SLC25A26: variants seen among roughly 807,000 people sequenced by gnomAD.
SLC25A26 encodes the protein solute carrier family 25 member 26.
SLC25A26 carries 36 observed loss-of-function variants against 37.8 expected under a neutral mutation model. The observed-to-expected ratio is 0.95, with a 90% CI of 0.73 to 1.26. SLC25A26 has a LOEUF of 1.26. Ranked by LOEUF, SLC25A26 falls within the 50% of genes most tolerant of loss-of-function variation. The pLI is 0.00. For synonymous variants in SLC25A26, 129 were observed against 122.5 expected (o/e 1.05, Z -0.35); for missense variants, 390 against 331.1 (o/e 1.18, Z -1.38).
chr3:66,303,863 G>A (rs1221709982), intron 5 of SLC25A26, among the ~76,000 whole-genome samples: 3 of 152,206 alleles, frequency 2.0e-5, no homozygotes, highest in African/African-American at 7.2e-5. Flanking sequence ...AATGCACAGG[G>A]CGGTTGGCAG....
intron 1 of SLC25A26, among the ~76,000 whole-genome samples, chr3:66,163,721 A>G (rs921582203): frequency 2.6e-5 from 4 of 152,064 alleles, no homozygotes; most frequent in African/African-American, 9.7e-5. Context: ...TTCTCAACCC[A>G]CTGTCTCCAA....
intron 1 of SLC25A26, among the ~76,000 whole-genome samples, chr3:66,154,914 C>T (rs995561984): frequency 6.6e-6 from 1 of 152,220 alleles, no homozygotes; most frequent in Non-Finnish European, 1.5e-5. Context: ...AAGTATGTAT[C>T]AGCTCTTCAA....
At chr3:66,147,782 A>G (rs2070141155) in intron 1 of SLC25A26, among the ~76,000 whole-genome samples, 1 of 152,042 alleles carries the variant, frequency 6.6e-6, no homozygotes, top group Admixed American at 6.5e-5. Context: ...TTTTTGAGAC[A>G]GAGCCTTGCT....
intron 2 of SLC25A26, among the ~76,000 whole-genome samples, chr3:66,242,861 A>G (rs1576694536): frequency 6.6e-6 from 1 of 152,316 alleles, no homozygotes; most frequent in East Asian, 1.9e-4. Context: ...GGCCATCCAT[A>G]ATGATATTTT....
chr3:66,186,079 C>T (rs2070820675), intron 1 of SLC25A26, among the ~76,000 whole-genome samples: 1 of 151,760 alleles, frequency 6.6e-6, no homozygotes. Context: ...TCACAATAAG[C>T]CTGATACTAA....
chr3:66,252,110 C>CA (rs1280136722), intron 3 of SLC25A26, among the ~76,000 whole-genome samples: 1 of 152,182 alleles, frequency 6.6e-6, no homozygotes, highest in Non-Finnish European at 1.5e-5. Context: ...ATACTACTCT[C>CA]AAAGGACCAA....
intron 1 of SLC25A26, among the ~76,000 whole-genome samples, chr3:66,159,662 G>T (rs2070330157): frequency 6.6e-6 from 1 of 152,196 alleles, no homozygotes; most frequent in East Asian, 1.9e-4. Context: ...TTATTAGCCA[G>T]ATTAGTAAAT....
At chr3:66,376,767 A>G (rs961538717) in intron 9 of SLC25A26, among the ~76,000 whole-genome samples, 1 of 152,204 alleles carries the variant, frequency 6.6e-6, no homozygotes, top group Non-Finnish European at 1.5e-5. Context: ...GAAAAGGTTC[A>G]AAGGTTATGG....
At chr3:66,312,753 G>T (rs185789116) in intron 5 of SLC25A26, among the ~76,000 whole-genome samples, 58 of 152,178 alleles carry the variant, frequency 3.8e-4, no homozygotes, top group Admixed American at 1.1e-3. Context: ...TTTAGGGGAG[G>T]TAGTTCCCTG....
intron 2 of SLC25A26, among the ~76,000 whole-genome samples, chr3:66,238,248 A>T (rs1202585748): frequency 6.8e-6 from 1 of 147,060 alleles, no homozygotes; most frequent in African/African-American, 2.6e-5. Flanking sequence ...CAAAAATCAG[A>T]ATATAACTTT....
chr3:66,240,006 A>G lies in SLC25A26; in HGVS notation c.191-3197A>G, dbSNP rs150541315. On this transcript the variant is annotated intron_variant, in intron 2 of 9. Transcript: ENST00000354883. ...AAATGTCATCACTTCCAGCATCACT[A>G]GTGGCACTTCATCTGGGTCCTGTGG... 5.0e-3 allele frequency among the ~76,000 whole-genome samples: 766 copies of G among 152,100 alleles called. 14 individuals are homozygous for G. The highest frequency in any genetic ancestry group is 0.014 in the African/African-American group (566 of 41,502).
intron 5 of SLC25A26, among the ~76,000 whole-genome samples, chr3:66,343,381 T>A (rs1418997904): frequency 1.3e-5 from 2 of 152,254 alleles, no homozygotes; most frequent in Non-Finnish European, 2.9e-5. Flanking sequence ...ATTTAATTAT[T>A]TAGGCATTTA....
chr3:66,344,944 C>G (rs1319412034), intron 5 of SLC25A26, among the ~76,000 whole-genome samples: 3 of 152,158 alleles, frequency 2.0e-5, no homozygotes, highest in Admixed American at 6.5e-5. Context: ...GTCTTTGAAC[C>G]TCAGTCTCAT....
chr3:66,226,504 T>G (rs1363557306), intron 1 of SLC25A26, among the ~76,000 whole-genome samples: 1 of 152,054 alleles, frequency 6.6e-6, no homozygotes, highest in African/African-American at 2.4e-5. Context: ...GACAAGGTCT[T>G]CCTCTGTTGC....
At chr3:66,308,346 G>T (rs559738454) in intron 5 of SLC25A26, among the ~76,000 whole-genome samples, 1 of 152,266 alleles carries the variant, frequency 6.6e-6, no homozygotes, top group East Asian at 1.9e-4. Context: ...TTTGCGCATT[G>T]ATTTTGTATC....
At chr3:66,264,234 T>A (rs572081263) in intron 5 of SLC25A26, among the ~76,000 whole-genome samples, 62 of 151,872 alleles carry the variant, frequency 4.1e-4, no homozygotes, top group African/African-American at 1.4e-3. Flanking sequence ...ATCGTGCCAC[T>A]GGATTCCAGC....
At chr3:66,286,784 A>G (rs1193629266) in intron 5 of SLC25A26, among the ~76,000 whole-genome samples, 4 of 151,912 alleles carry the variant, frequency 2.6e-5, no homozygotes, top group African/African-American at 9.7e-5. Context: ...TTCAAATGCC[A>G]CCTGAGTAGC....
intron 5 of SLC25A26, among the ~76,000 whole-genome samples, chr3:66,293,944 G>T (rs558373222): frequency 6.6e-6 from 1 of 152,226 alleles, no homozygotes; most frequent in South Asian, 2.1e-4. Context: ...TTGAAGTCTG[G>T]TAGTGTGAGG....
At position 66,187,290 on chromosome 3, in the gene SLC25A26, C is replaced by G. The variant is rs1045716628; in HGVS notation, c.-353-33452C>G. ...ACACAGCCTTACCCTTCCCCTGACC[C>G]TCACCTGAAAGTGATTCTGACCTTG... On this transcript the variant is annotated intron_variant, in intron 1 of 10. Transcript: ENST00000676754. Among the ~76,000 whole-genome samples the G allele has an allele frequency of 7.2e-5, 11 of 152,142 alleles. 1 individual carries two copies. The highest frequency in any genetic ancestry group is 2.7e-4 in the African/African-American group (11 of 41,496).
Sources: gnomAD v4.1 joint callset for allele counts (sites outside exome capture counted in the v4.1 genomes callset) on GRCh38, gnomAD v4.1.1 for gene constraint, MANE v1.5 for transcripts, NCBI Gene and HGNC (gene_info 2026-07-23, HGNC 2026-07-21) for gene names.